Variants in ZCCHC24 observed in about 807,000 individuals in gnomAD.
The protein encoded by ZCCHC24 is zinc finger CCHC-type containing 24, also known as zinc finger CCHC domain-containing protein 24.
In ZCCHC24, 10 loss-of-function variants were observed where a neutral mutation model predicts 26.2. The ratio of observed to expected loss-of-function variants is 0.38; its 90% CI spans 0.24 to 0.65. The LOEUF (loss-of-function observed/expected upper bound fraction) is 0.65. Ranked by LOEUF, ZCCHC24 falls within the 30% of genes least tolerant of loss-of-function variation. ZCCHC24 has a pLI of 0.54. For missense variants in ZCCHC24, 243 were observed against 329.1 expected, an observed-to-expected ratio of 0.74 and a Z score of 2.03; for synonymous variants, 144 against 147.1, an observed-to-expected ratio of 0.98 and a Z score of 0.15.
At chr10:79,414,713 T>C (rs1049649777) in intron 2 of ZCCHC24, among the ~76,000 whole-genome samples, 1 of 152,190 alleles carries the variant, frequency 6.6e-6, no homozygotes, top group African/African-American at 2.4e-5. Flanking sequence ...TTTGCCCAGC[T>C]GCACGTCAGA....
intron 2 of ZCCHC24, among the ~76,000 whole-genome samples, chr10:79,426,992 T>C (rs368784255): frequency 8.9e-5 from 9 of 100,732 alleles, no homozygotes; most frequent in African/African-American, 3.3e-4. Context: ...AAATAAAAGA[T>C]AGGAAAATAT....
At chr10:79,400,735 G>A (rs1034639522) in intron 2 of ZCCHC24, among the ~76,000 whole-genome samples, 20 of 152,342 alleles carry the variant, frequency 1.3e-4, no homozygotes, top group African/African-American at 3.8e-4. Flanking sequence ...GCCCCTGCAG[G>A]TGTGGACCCT....
chr10:79,424,821 A>T (rs1351184116), intron 2 of ZCCHC24, among the ~76,000 whole-genome samples: 1 of 152,010 alleles, frequency 6.6e-6, no homozygotes, highest in African/African-American at 2.4e-5. Context: ...TATTCCTGTT[A>T]TTTACACGCT....
intron 1 of ZCCHC24, among the ~76,000 whole-genome samples, chr10:79,434,447 G>T (rs1857186768): frequency 6.6e-6 from 1 of 152,190 alleles, no homozygotes; most frequent in Non-Finnish European, 1.5e-5. Flanking sequence ...ACCTTCCACG[G>T]CATGGGGGAG....
intron 1 of ZCCHC24, among the ~76,000 whole-genome samples, chr10:79,435,996 G>A (rs768394932): frequency 7.9e-5 from 12 of 152,214 alleles, no homozygotes; most frequent in Admixed American, 2.6e-4. Flanking sequence ...CGGGGAAGGG[G>A]GAAGAAGGGT....
intron 2 of ZCCHC24, among the ~76,000 whole-genome samples, chr10:79,421,607 G>C (rs1856938021): frequency 6.6e-6 from 1 of 151,980 alleles, no homozygotes; most frequent in Admixed American, 6.6e-5. Flanking sequence ...GCCCCTCCCT[G>C]TATGCATTTT....
At chr10:79,406,140 G>A (rs1271827523) in intron 2 of ZCCHC24, among the ~76,000 whole-genome samples, 2 of 152,232 alleles carry the variant, frequency 1.3e-5, no homozygotes, top group African/African-American at 4.8e-5. Context: ...CAACCTGTAG[G>A]TAGCTTCATT....
At chr10:79,408,807 C>T (rs967819073) in intron 2 of ZCCHC24, among the ~76,000 whole-genome samples, 1 of 152,162 alleles carries the variant, frequency 6.6e-6, no homozygotes, top group African/African-American at 2.4e-5. Flanking sequence ...GACCTCCTTC[C>T]TGTCCCTGAC....
At chr10:79,432,347 G>C (rs922918718) in intron 2 of ZCCHC24, among the ~76,000 whole-genome samples, 8 of 152,250 alleles carry the variant, frequency 5.3e-5, no homozygotes, top group South Asian at 4.1e-4. Context: ...CAACCAGCGT[G>C]GGCCCAAGAT....
At position 79,445,576 on chromosome 10, in the gene ZCCHC24, C is replaced by G; in HGVS notation, c.-136G>C. The G allele has an allele frequency of 1.3e-6, 1 of 771,022 alleles. No homozygotes were observed. Among genetic ancestry groups the G allele is most frequent in the East Asian group, 8.1e-5 (1 of 12,348 alleles). 47.8% of individuals were successfully genotyped at this position (771,022 alleles called of 1,614,324 possible). A position where few individuals can be genotyped will look rare whatever the true frequency, so the allele number is the denominator to read the frequency against. ...ACGGTGATCGCCCCGCGCCCTGCGC[C>G]CCGCGCGCTGCCCGCAGCCGCTGCC... On this transcript the variant is annotated 5_prime_UTR_variant, in exon 1 of 4. Transcript: ENST00000372336.
At chr10:79,429,279 G>A (rs1222942028) in intron 2 of ZCCHC24, among the ~76,000 whole-genome samples, 1 of 152,172 alleles carries the variant, frequency 6.6e-6, no homozygotes, top group African/African-American at 2.4e-5. Context: ...CGAGGGGATG[G>A]ATGATCAAGA....
At chr10:79,415,834 C>T (rs1856852150) in intron 2 of ZCCHC24, among the ~76,000 whole-genome samples, 1 of 152,184 alleles carries the variant, frequency 6.6e-6, no homozygotes. Context: ...TTTTCTCCAA[C>T]GAGATGGGAA....
chr10:79,445,132 G>T (rs1857345688), intron 1 of ZCCHC24, 63 bp downstream of exon 1: 6 of 739,936 alleles, frequency 8.1e-6, no homozygotes, highest in Non-Finnish European at 1.1e-5. Flanking sequence ...GACAGGGAAC[G>T]GCCCGCCACG....
chr10:79,387,698 G>C lies in ZCCHC24; in HGVS notation c.613-1240C>G, dbSNP rs985520673. Among the ~76,000 whole-genome samples, 33 of 152,190 alleles carry C rather than the reference G, an allele frequency of 2.2e-4. 1 individual carries two copies. The highest frequency in any genetic ancestry group is 2.6e-4 in the Non-Finnish European group (18 of 68,026). On this transcript the variant is annotated intron_variant, in intron 3 of 3. Transcript: ENST00000372336. Reference sequence around the variant, plus strand: ...GGGAGGGCAGCAGAGGGTGTGCTCTGTCCCCCTGGCCAGGCTGTGAATGGC... The same window carrying C: ...GGGAGGGCAGCAGAGGGTGTGCTCTCTCCCCCTGGCCAGGCTGTGAATGGC...
chr10:79,393,268 AT>A (rs1431071308), intron 3 of ZCCHC24, among the ~76,000 whole-genome samples: 1 of 152,144 alleles, frequency 6.6e-6, no homozygotes. Context: ...CTCTAACTGG[AT>A]TTTTGCAAAC....
intron 1 of ZCCHC24, among the ~76,000 whole-genome samples, chr10:79,435,650 G>C (rs914790510): frequency 6.6e-6 from 1 of 152,226 alleles, no homozygotes; most frequent in Non-Finnish European, 1.5e-5. Context: ...GGTAGAGACC[G>C]TCAGCTGACC....
rs147156805 is a variant in ZCCHC24, at chr10:79,439,171, T to C, written c.246+6024A>G. Among the ~76,000 whole-genome samples the C allele has an allele frequency of 2.2e-3, 340 of 152,332 alleles. 1 individual carries two copies. Among genetic ancestry groups the C allele is most frequent in the African/African-American group, 7.6e-3 (314 of 41,576 alleles). The stretch of plus-strand genomic sequence containing the variant: ...CATGTGCACGCATGCTTATGTTCTG[T>C]GCCTTGTGCTGGCAGCAGAAACTCT... On this transcript the variant is annotated intron_variant, in intron 1 of 3. Transcript: ENST00000372336.
chr10:79,427,628 A>T (rs1419022946), intron 2 of ZCCHC24, among the ~76,000 whole-genome samples: 1 of 150,724 alleles, frequency 6.6e-6, no homozygotes, highest in Non-Finnish European at 1.5e-5. Flanking sequence ...AAAAAAAAAA[A>T]ATGCCCTGTG....
intron 2 of ZCCHC24, among the ~76,000 whole-genome samples, chr10:79,430,153 C>T (rs986831621): frequency 6.6e-6 from 1 of 152,208 alleles, no homozygotes; most frequent in Non-Finnish European, 1.5e-5. Flanking sequence ...ACCTTCCATG[C>T]ATAGTTTCAC....
Sources: gnomAD v4.1 joint callset for allele counts (sites outside exome capture counted in the v4.1 genomes callset) on GRCh38, gnomAD v4.1.1 for gene constraint, MANE v1.5 for transcripts, NCBI Gene and HGNC (gene_info 2026-07-23, HGNC 2026-07-21) for gene names.